MEIS2: variants seen among roughly 807,000 people sequenced by gnomAD.
The protein encoded by MEIS2 is homeobox protein Meis2.
In MEIS2, 9 loss-of-function variants were observed where a neutral mutation model predicts 58.6. The ratio of observed to expected loss-of-function variants is 0.15; its 90% confidence interval spans 0.09 to 0.27. The LOEUF is 0.27. Among genes scored for constraint, MEIS2 ranks in the 10% least tolerant of loss-of-function variants. The probability of loss-of-function intolerance (pLI) is 1.00; values close to 1 mark genes in which losing one functional copy is unlikely to be tolerated. For synonymous variants in MEIS2, 221 were observed against 228.4 expected (o/e 0.97, Z 0.29); for missense variants, 427 against 635.0 (o/e 0.67, Z 3.52).
chr15:37,015,569 G>A (rs888601048), intron 8 of MEIS2, among the ~76,000 whole-genome samples: 1 of 151,608 alleles, frequency 6.6e-6, no homozygotes, highest in African/African-American at 2.4e-5. Flanking sequence ...GTTGGTCAGG[G>A]AGGGCAGATT....
chr15:37,044,182 C>T (rs2062564567), intron 7 of MEIS2, among the ~76,000 whole-genome samples: 1 of 152,140 alleles, frequency 6.6e-6, no homozygotes, highest in Admixed American at 6.5e-5. Flanking sequence ...AAAGTGTCCT[C>T]CAAAGCCCAT....
chr15:37,058,130 C>G (rs1469434866), intron 7 of MEIS2, among the ~76,000 whole-genome samples: 1 of 152,076 alleles, frequency 6.6e-6, no homozygotes, highest in Admixed American at 6.6e-5. Context: ...GCAATGGACT[C>G]ATTCTTTTCT....
In MEIS2 at chr15:36,930,202, TA is replaced by T. The variant is rs370695754; in HGVS notation, c.977+20121del. Among the ~76,000 whole-genome samples, 345 of 94,284 alleles carry T rather than the reference TA, an allele frequency of 3.7e-3. 1 individual carries two copies. Among genetic ancestry groups the T allele is most frequent in the African/African-American group, 7.7e-3 (179 of 23,192 alleles). 61.9% of individuals were successfully genotyped at this position (94,284 alleles called of 152,430 possible). On this transcript the variant is annotated intron_variant, in intron 9 of 11. Coordinates refer to ENST00000561208, the MANE Select transcript of MEIS2 (RefSeq NM_170675.5). Reference sequence around the variant, plus strand: ...TGGGTGACAGAGTGAGACTCAGTCTTAAAAAAAAAAAAAAAAAAGAGAGAGA... The same window carrying T: ...TGGGTGACAGAGTGAGACTCAGTCTTAAAAAAAAAAAAAAAAAGAGAGAGA...
chr15:36,896,978 T>C (rs559627915), intron 9 of MEIS2: 123 of 304,752 alleles, frequency 4.0e-4, no homozygotes, highest in Non-Finnish European at 6.3e-4. Context: ...CTTGCACAAG[T>C]AGGAATCTGG....
At chr15:37,074,276 A>G (rs1891086878) in intron 7 of MEIS2, among the ~76,000 whole-genome samples, 1 of 152,068 alleles carries the variant, frequency 6.6e-6, no homozygotes, top group Non-Finnish European at 1.5e-5. Flanking sequence ...CTATCCTCAG[A>G]AAATAAACTC....
intron 6 of MEIS2, among the ~76,000 whole-genome samples, chr15:37,085,611 T>A (rs1892790094): frequency 6.6e-6 from 1 of 152,194 alleles, no homozygotes; most frequent in Non-Finnish European, 1.5e-5. Context: ...GGCACTGCTA[T>A]CAGGCAAGCA....
In MEIS2 at chr15:37,063,987, A is replaced by AT. The variant is rs901881877; in HGVS notation, c.754+19783dup. Reference sequence around the variant, plus strand: ...ACTGGTCAAGATTTGAAACAAAACGATTTTTTTGTCCCATATATGAAAAAC... The same window carrying AT: ...ACTGGTCAAGATTTGAAACAAAACGATTTTTTTTGTCCCATATATGAAAAAC... On this transcript the variant is annotated intron_variant, in intron 7 of 11. Transcript: ENST00000561208. Among the ~76,000 whole-genome samples, 32 of 152,264 alleles carry AT rather than the reference A, an allele frequency of 2.1e-4. 1 individual carries two copies. Among genetic ancestry groups the AT allele is most frequent in the Middle Eastern group, 6.8e-3 (2 of 294 alleles).
intron 9 of MEIS2, among the ~76,000 whole-genome samples, chr15:36,928,016 T>C (rs889470764): frequency 6.6e-6 from 1 of 152,162 alleles, no homozygotes; most frequent in African/African-American, 2.4e-5. Flanking sequence ...TGCTGTGACA[T>C]AAACCACCAT....
intron 9 of MEIS2, among the ~76,000 whole-genome samples, chr15:36,902,207 C>T (rs1342444284): frequency 6.6e-6 from 1 of 152,228 alleles, no homozygotes; most frequent in Non-Finnish European, 1.5e-5. Flanking sequence ...CTAAATAGCT[C>T]TGTTCTCTCA....
intron 7 of MEIS2, among the ~76,000 whole-genome samples, chr15:37,077,997 A>G (rs1288941469): frequency 1.3e-5 from 2 of 152,148 alleles, no homozygotes; most frequent in African/African-American, 4.8e-5. Flanking sequence ...AACTATGTGC[A>G]TTAACTATAC....
At chr15:36,997,475 T>TTCTC (rs1004685886) in intron 8 of MEIS2, among the ~76,000 whole-genome samples, 1 of 141,014 alleles carries the variant, frequency 7.1e-6, no homozygotes, top group African/African-American at 2.6e-5. Context: ...AATTCTTGAT[T>TTCTC]TCTCTCTCTC....
chr15:36,898,704 A>G (rs1197025127), intron 9 of MEIS2: 1 of 152,140 alleles, frequency 6.6e-6, no homozygotes, highest in Non-Finnish European at 1.5e-5. Context: ...AGAACTCCAC[A>G]CTGTCTTCAA....
At chr15:37,006,255 T>C (rs554723395) in intron 8 of MEIS2, among the ~76,000 whole-genome samples, 4 of 152,228 alleles carry the variant, frequency 2.6e-5, no homozygotes, top group Non-Finnish European at 5.9e-5. Flanking sequence ...ATTAAACTGT[T>C]GACAGAAGTA....
In MEIS2 at chr15:37,048,883, T is replaced by A. The variant is rs552725682; in HGVS notation, c.755-11924A>T. Among the ~76,000 whole-genome samples the A allele has an allele frequency of 4.7e-4, 72 of 152,308 alleles. No homozygotes were observed. The South Asian group carries it at 0.014, about 29-fold the overall frequency. ...TTTTAGGTGAATACTTTTTAAACCATTAACACACCAAATTTGGAACATATT... is the reference window on the plus strand; with the variant it reads ...TTTTAGGTGAATACTTTTTAAACCAATAACACACCAAATTTGGAACATATT... On this transcript the variant is annotated intron_variant, in intron 7 of 11. Coordinates refer to ENST00000561208, the MANE Select transcript of MEIS2 (RefSeq NM_170675.5).
chr15:37,085,890 G>A (rs1035338676), intron 6 of MEIS2, among the ~76,000 whole-genome samples: 1 of 152,046 alleles, frequency 6.6e-6, no homozygotes, highest in Admixed American at 6.6e-5. Flanking sequence ...AAGCCTCTTC[G>A]TGTCAGCTGT....
At chr15:36,896,836 A>G in intron 9 of MEIS2, 150 bp from the exon 10 acceptor site, 1 of 671,570 alleles carries the variant, frequency 1.5e-6, no homozygotes, top group Non-Finnish European at 2.5e-6. Context: ...TTCAGCGTTC[A>G]AAAATAGTTG....
chr15:36,912,552 C>A (rs1256672677), intron 9 of MEIS2, among the ~76,000 whole-genome samples: 2 of 152,134 alleles, frequency 1.3e-5, no homozygotes, highest in East Asian at 1.9e-4. Context: ...GGTGCAGGGA[C>A]CTTTTCCTTT....
intron 8 of MEIS2, among the ~76,000 whole-genome samples, chr15:37,017,020 T>C (rs2061372795): frequency 6.6e-6 from 1 of 152,244 alleles, no homozygotes; most frequent in Non-Finnish European, 1.5e-5. Context: ...GAAGTATTTC[T>C]AATTTGTGCT....
intron 8 of MEIS2, among the ~76,000 whole-genome samples, chr15:36,971,314 A>G (rs1193446996): frequency 2.0e-5 from 3 of 151,972 alleles, no homozygotes; most frequent in African/African-American, 7.3e-5. Context: ...ATTTAGAGTC[A>G]ATGTCTAAGA....
Sources: gnomAD v4.1 joint callset for allele counts (sites outside exome capture counted in the v4.1 genomes callset) on GRCh38, gnomAD v4.1.1 for gene constraint, MANE v1.5 for transcripts, NCBI Gene and HGNC (gene_info 2026-07-23, HGNC 2026-07-21) for gene names.